The following PRKCE variants were observed in gnomAD, a reference collection of about 807,000 sequenced individuals.
PRKCE encodes the protein protein kinase C epsilon.
PRKCE carries 16 observed loss-of-function variants against 85.4 expected under a neutral mutation model. The observed-to-expected ratio is 0.19, with a 90% CI of 0.13 to 0.28. The LOEUF (loss-of-function observed/expected upper bound fraction) is 0.28, where lower values mean the gene tolerates loss of function less well. Among genes scored for constraint, PRKCE ranks in the 10% least tolerant of loss-of-function variants. The pLI is 1.00. For synonymous variants in PRKCE, 388 were observed against 371.5 expected (o/e 1.04, Z -0.51); for missense variants, 573 against 975.2 (o/e 0.59, Z 5.49).
chr2:45,814,059 G>T (rs1173023384), intron 1 of PRKCE, among the ~76,000 whole-genome samples: 3 of 151,906 alleles, frequency 2.0e-5, no homozygotes, highest in East Asian at 1.9e-4. Flanking sequence ...TCCCCCTCCC[G>T]CACAGAGGGG....
intron 10 of PRKCE, among the ~76,000 whole-genome samples, chr2:46,065,545 G>T (rs923523550): frequency 6.6e-6 from 1 of 152,212 alleles, no homozygotes; most frequent in East Asian, 1.9e-4. Flanking sequence ...AAAGTTATTG[G>T]TGTGTAAGGA....
intron 1 of PRKCE, among the ~76,000 whole-genome samples, chr2:45,790,725 T>C (rs1686968189): frequency 6.6e-6 from 1 of 152,260 alleles, no homozygotes; most frequent in Non-Finnish European, 1.5e-5. Context: ...TTGAAGGTTA[T>C]TCGGCTTGAG....
intron 1 of PRKCE, among the ~76,000 whole-genome samples, chr2:45,691,493 A>T (rs1677721991): frequency 6.6e-6 from 1 of 152,206 alleles, no homozygotes. Context: ...CAAGAAAGAG[A>T]AAAGAGAATA....
chr2:45,774,127 G>T lies in PRKCE; in HGVS notation c.349-68873G>T, dbSNP rs1450667389. Among the ~76,000 whole-genome samples the T allele has an allele frequency of 6.6e-6, 1 of 152,158 alleles. No individual in the cohort carries two copies. The highest frequency in any genetic ancestry group is 1.5e-5 in the Non-Finnish European group (1 of 68,026). On this transcript the variant is annotated intron_variant, in intron 1 of 14. Transcript: ENST00000306156. The surrounding 1 kb of genome is among the most constrained non-coding windows in gnomAD (Gnocchi z 4.3). Reference sequence around the variant, plus strand: ...TAGGACCTCCCTTGGAGAGATGGGGGCTGGAGGGAGCCAGGGACTTGTCAT... The same window carrying T: ...TAGGACCTCCCTTGGAGAGATGGGGTCTGGAGGGAGCCAGGGACTTGTCAT...
intron 2 of PRKCE, among the ~76,000 whole-genome samples, chr2:45,896,698 A>G (rs1290928393): frequency 1.3e-5 from 2 of 152,234 alleles, no homozygotes; most frequent in Non-Finnish European, 2.9e-5. Flanking sequence ...CAGTTGGCAA[A>G]TAATCCTGAG....
At chr2:46,182,338 C>T (rs911420609) in intron 14 of PRKCE, among the ~76,000 whole-genome samples, 13 of 152,174 alleles carry the variant, frequency 8.5e-5, no homozygotes, top group South Asian at 2.1e-4. Context: ...CGTCAGTGTG[C>T]GTCACCGTGG....
intron 1 of PRKCE, among the ~76,000 whole-genome samples, chr2:45,822,563 G>A (rs1411430346): frequency 6.6e-6 from 1 of 152,236 alleles, no homozygotes; most frequent in Non-Finnish European, 1.5e-5. Flanking sequence ...CTTGTGCCTG[G>A]GCTGGGGTGC....
Position 45,905,961 on chromosome 2 carries a change from T to C in PRKCE, c.412+62898T>C, listed in dbSNP as rs1032194131. Among the ~76,000 whole-genome samples, 1 of 152,210 alleles carries C rather than the reference T, an allele frequency of 6.6e-6. No homozygotes were observed. On this transcript the variant is annotated intron_variant, in intron 2 of 14. Transcript: ENST00000306156. The surrounding 1 kb of genome is among the most constrained non-coding windows in gnomAD (Gnocchi z 4.4). ...ACATGAAGGGCCGGGGTGGGCAGGC[T>C]ATCTTCAGCGGTGATGCGCTTTCAA...
At chr2:45,718,297 G>A (rs993766822) in intron 1 of PRKCE, among the ~76,000 whole-genome samples, 1 of 151,132 alleles carries the variant, frequency 6.6e-6, no homozygotes, top group Non-Finnish European at 1.5e-5. Flanking sequence ...CATGAGGAAG[G>A]CTCCAGCAAT....
intron 10 of PRKCE, chr2:46,010,804 C>T (rs1246626878): frequency 1.3e-6 from 2 of 1,585,010 alleles, no homozygotes; most frequent in East Asian, 2.2e-5. Context: ...TTGGAAAAAC[C>T]AACAAGTGTG....
chr2:46,063,999 T>C (rs2103648818), intron 10 of PRKCE, among the ~76,000 whole-genome samples: 1 of 152,228 alleles, frequency 6.6e-6, no homozygotes, highest in South Asian at 2.1e-4. Context: ...AATGGTTAAC[T>C]GGTCGGGCAC....
At chr2:45,897,936 C>T (rs1369100102) in intron 2 of PRKCE, among the ~76,000 whole-genome samples, 1 of 152,304 alleles carries the variant, frequency 6.6e-6, no homozygotes. Context: ...CTGATTTGCC[C>T]AACCTCTGGT....
chr2:45,806,280 C>T (rs1295639778), intron 1 of PRKCE, among the ~76,000 whole-genome samples: 3 of 152,218 alleles, frequency 2.0e-5, no homozygotes, highest in East Asian at 3.8e-4. Context: ...ATGTGATTTA[C>T]AGCTTTGCTG....
intron 1 of PRKCE, among the ~76,000 whole-genome samples, chr2:45,714,506 C>A (rs552308040): frequency 6.6e-6 from 1 of 152,380 alleles, no homozygotes; most frequent in Admixed American, 6.5e-5. Context: ...TCTCAGGATA[C>A]AGAATGGCTC....
chr2:45,819,320 G>A (rs1689331566), intron 1 of PRKCE, among the ~76,000 whole-genome samples: 1 of 152,190 alleles, frequency 6.6e-6, no homozygotes, highest in South Asian at 2.1e-4. Context: ...AGGCAGTCTG[G>A]CTCCCAATCC....
intron 1 of PRKCE, among the ~76,000 whole-genome samples, chr2:45,752,053 G>A (rs1177366867): frequency 6.6e-6 from 1 of 151,082 alleles, no homozygotes; most frequent in African/African-American, 2.4e-5. Flanking sequence ...TGCTGACCTC[G>A]TGATCCGCCC....
At chr2:45,745,158 T>A (rs1683036805) in intron 1 of PRKCE, among the ~76,000 whole-genome samples, 1 of 152,140 alleles carries the variant, frequency 6.6e-6, no homozygotes, top group Non-Finnish European at 1.5e-5. Flanking sequence ...ATCTTACAAT[T>A]GTCCCTGTCT....
intron 1 of PRKCE, among the ~76,000 whole-genome samples, chr2:45,824,549 G>T (rs1028115570): frequency 6.6e-5 from 10 of 152,070 alleles, no homozygotes; most frequent in African/African-American, 2.2e-4. Flanking sequence ...GTCCGGTTGG[G>T]CTACTTAAGT....
intron 2 of PRKCE, among the ~76,000 whole-genome samples, chr2:45,867,352 T>C (rs1487895860): frequency 6.6e-6 from 1 of 152,216 alleles, no homozygotes; most frequent in Non-Finnish European, 1.5e-5. Context: ...CTGAATAATT[T>C]TTAAACTTTT....
Sources: allele counts gnomAD v4.1 joint callset (sites outside exome capture counted in the v4.1 genomes callset), GRCh38; gene constraint gnomAD v4.1.1; non-coding constraint Gnocchi (gnomAD v3.1); transcripts MANE v1.5; gene names NCBI Gene and HGNC (gene_info 2026-07-23, HGNC 2026-07-21).